Variants in PUDP observed in about 807,000 individuals in gnomAD.
PUDP encodes the protein pseudouridine 5'-phosphatase.
Under a neutral mutation model 9.4 loss-of-function variants are expected in PUDP, and 8 were observed. The ratio of observed to expected loss-of-function variants is 0.85; its 90% confidence interval spans 0.50 to 1.53. The LOEUF (loss-of-function observed/expected upper bound fraction) is 1.53, where lower values mean the gene tolerates loss of function less well. Ranked by LOEUF, PUDP falls within the 40% of genes most tolerant of loss-of-function variation. The probability of loss-of-function intolerance (pLI) is 0.00; values close to 1 mark genes in which losing one functional copy is unlikely to be tolerated. For missense variants in PUDP, 188 were observed against 189.7 expected, an observed-to-expected ratio of 0.99 and a Z score of 0.05; for synonymous variants, 99 against 80.7, an observed-to-expected ratio of 1.23 and a Z score of -1.22.
intron 1 of PUDP, among the ~76,000 whole-genome samples, chrX:7,021,522 G>A (rs1210703191): frequency 7.1e-5 from 8 of 112,151 alleles, no homozygotes; most frequent in Non-Finnish European, 1.3e-4. Context: ...TGGTTAAACC[G>A]TGATGCTTTG....
intron 1 of PUDP, among the ~76,000 whole-genome samples, chrX:7,122,148 A>G (rs1444650142): frequency 1.8e-5 from 2 of 110,422 alleles, no homozygotes; most frequent in Non-Finnish European, 3.8e-5. Context: ...TGGTTGCACC[A>G]CTGCACTGCA....
intron 1 of PUDP, among the ~76,000 whole-genome samples, chrX:6,995,911 G>C (rs1929244460): frequency 9.3e-6 from 1 of 106,990 alleles, no homozygotes; most frequent in Non-Finnish European, 1.9e-5. Context: ...GGGCCAGAGA[G>C]TTAACAGTTC....
In PUDP at chrX:6,814,210, C is replaced by A. The variant is rs1926189889; in HGVS notation, c.*248-107744G>T. Among the ~76,000 whole-genome samples the A allele has an allele frequency of 2.7e-5, 3 of 111,528 alleles. No individual in the cohort carries two copies. The South Asian group carries it at 1.1e-3, about 43-fold the overall frequency. On this transcript the variant is annotated intron_variant and NMD_transcript_variant, in intron 3 of 3. Coordinates refer to the PUDP transcript ENST00000655425. The stretch of plus-strand genomic sequence containing the variant: ...TTACTGAATGTCCCAATGACTTCCT[C>A]ATTTGTGAACTATCCTGGCACCCAG...
intron 1 of PUDP, among the ~76,000 whole-genome samples, chrX:7,127,616 C>T (rs1266692682): frequency 8.9e-6 from 1 of 112,313 alleles, no homozygotes; most frequent in African/African-American, 3.2e-5. Flanking sequence ...CTCTCAACTC[C>T]CAAATCATTT....
At chrX:7,039,091 CG>C (rs898362142) in intron 1 of PUDP, among the ~76,000 whole-genome samples, 6 of 110,321 alleles carry the variant, frequency 5.4e-5, no homozygotes, top group African/African-American at 2.0e-4. Flanking sequence ...CACCATGCCC[CG>C]CTAATTTTTA....
chrX:7,105,719 T>C lies in PUDP; in HGVS notation c.181A>G (p.Ile61Val). 8.3e-7 allele frequency: 1 copy of C among 1,208,656 alleles called. No homozygotes were observed. The highest frequency in any genetic ancestry group is 2.3e-4 in the Middle Eastern group (1 of 4,321). ...ATCGGGAGCTGCAAGACGTCTATTA[T>C]AATCTGTGCCGCCTCTAATGCCTTC... ...GKKALEAAQI[I>V]IDVLQLPMSK... The change falls in exon 2 of 4, where the codon ATA (isoleucine) becomes GTA (valine). Residue 61 changes from isoleucine (I) to valine (V), a missense_variant. Transcript: ENST00000381077.
At chrX:6,980,508 C>T (rs1929017498) in intron 1 of PUDP, among the ~76,000 whole-genome samples, 1 of 110,965 alleles carries the variant, frequency 9.0e-6, no homozygotes, top group Non-Finnish European at 1.9e-5. Context: ...AAGTGCCTGG[C>T]CTCCTTTTAC....
At chrX:7,041,878 T>G (rs1929927216) in intron 1 of PUDP, among the ~76,000 whole-genome samples, 1 of 108,418 alleles carries the variant, frequency 9.2e-6, no homozygotes, top group Non-Finnish European at 1.9e-5. Context: ...TTTTTTTTTT[T>G]TTTGAGACAG....
intron 3 of PUDP, among the ~76,000 whole-genome samples, chrX:6,803,053 A>T (rs1414410169): frequency 8.7e-5 from 1 of 11,515 alleles, no homozygotes; most frequent in Non-Finnish European, 1.4e-4. Context: ...TAAAATATAA[A>T]ATAAAATATA....
At chrX:7,139,809 G>C (rs924151067) in intron 1 of PUDP, among the ~76,000 whole-genome samples, 4 of 112,110 alleles carry the variant, frequency 3.6e-5, no homozygotes, top group African/African-American at 1.3e-4. Flanking sequence ...AGAGAGAAGA[G>C]TCAAGGGCCC....
chrX:6,806,305 C>T (rs1375771286), intron 3 of PUDP, among the ~76,000 whole-genome samples: 1 of 110,706 alleles, frequency 9.0e-6, no homozygotes, highest in African/African-American at 3.3e-5. Flanking sequence ...TGAGAGTAGA[C>T]TCGGTGAAAT....
intron 3 of PUDP, among the ~76,000 whole-genome samples, chrX:6,966,757 C>G (rs1928791989): frequency 9.0e-6 from 1 of 110,777 alleles, no homozygotes; most frequent in African/African-American, 3.3e-5. Flanking sequence ...CTATATTGCC[C>G]TGGTTGGTCT....
chrX:7,002,968 A>T (rs2146810321), intron 1 of PUDP, among the ~76,000 whole-genome samples: 1 of 110,587 alleles, frequency 9.0e-6, no homozygotes, highest in South Asian at 4.1e-4. Flanking sequence ...CTAGGGACAC[A>T]GAGGGACCTC....
chrX:7,018,052 G>A (rs747550228), intron 1 of PUDP, among the ~76,000 whole-genome samples: 29 of 111,915 alleles, frequency 2.6e-4, no homozygotes, highest in Non-Finnish European at 4.3e-4. Context: ...CCAAGGCAAC[G>A]TCAGAAAGTT....
At chrX:7,008,130 AT>A (rs1349782865) in intron 1 of PUDP, among the ~76,000 whole-genome samples, 4 of 108,569 alleles carry the variant, frequency 3.7e-5, no homozygotes, top group African/African-American at 1.4e-4. Flanking sequence ...CGCGCAGCTA[AT>A]TTTTTTGTAT....
At chrX:7,114,993 C>A (rs960601581) in intron 1 of PUDP, among the ~76,000 whole-genome samples, 1 of 112,108 alleles carries the variant, frequency 8.9e-6, no homozygotes, top group Non-Finnish European at 1.9e-5. Flanking sequence ...AAAATAAGGA[C>A]CCTTAAACAT....
intron 3 of PUDP, among the ~76,000 whole-genome samples, chrX:7,063,547 T>C (rs1250934109): frequency 1.8e-5 from 2 of 112,075 alleles, no homozygotes; most frequent in Non-Finnish European, 3.8e-5. Flanking sequence ...GTGTAGGAGG[T>C]ACCGTGCTTC....
At chrX:7,040,442 A>C (rs768065090) in intron 1 of PUDP, among the ~76,000 whole-genome samples, 1 of 111,481 alleles carries the variant, frequency 9.0e-6, no homozygotes, top group South Asian at 3.9e-4. Flanking sequence ...GAAGTGTCCC[A>C]GGAAAGGGCA....
chrX:7,072,225 C>T (rs993689715), intron 3 of PUDP, among the ~76,000 whole-genome samples: 5 of 111,227 alleles, frequency 4.5e-5, no homozygotes, highest in Non-Finnish European at 7.5e-5. Flanking sequence ...CAGGTTTCCA[C>T]GAAAAAGAGT....
Sources: gnomAD v4.1 joint callset for allele counts (sites outside exome capture counted in the v4.1 genomes callset) on GRCh38, gnomAD v4.1.1 for gene constraint, MANE v1.5 for transcripts, NCBI Gene and HGNC (gene_info 2026-07-23, HGNC 2026-07-21) for gene names.